OSBP: variants seen among roughly 807,000 people sequenced by gnomAD.
The protein encoded by OSBP is oxysterol-binding protein 1.
OSBP carries 32 observed loss-of-function variants against 96.6 expected under a neutral mutation model. That is an observed-to-expected ratio of 0.33 (90% CI 0.25 to 0.45). The LOEUF (loss-of-function observed/expected upper bound fraction) is 0.45, where lower values mean the gene tolerates loss of function less well. Among genes scored for constraint, OSBP ranks in the 20% least tolerant of loss-of-function variants. The pLI is 1.00. For missense variants in OSBP, 653 were observed against 1,029.7 expected, an observed-to-expected ratio of 0.63 and a Z score of 5.01; for synonymous variants, 369 against 389.6, an observed-to-expected ratio of 0.95 and a Z score of 0.62.
At position 59,576,800 on chromosome 11, in the gene OSBP, A is replaced by G. The variant is rs758168177; in HGVS notation, c.2281+5T>C. 45 of 1,613,656 alleles carry G rather than the reference A, an allele frequency of 2.8e-5. No homozygotes were observed. Among genetic ancestry groups the G allele is most frequent in the East Asian group, 2.2e-4 (10 of 44,902 alleles). ...AGAAAGAAGAGTAGAAGGGAAGTTC[A>G]TTACCATCCTCTGTGGCTTTCATAG... On this transcript the variant is annotated splice_donor_5th_base_variant and intron_variant, in intron 13 of 13. Coordinates refer to ENST00000263847, the MANE Select transcript of OSBP (RefSeq NM_002556.3).
chr11:59,597,943 C>A (rs1860678359), intron 7 of OSBP, among the ~76,000 whole-genome samples: 1 of 152,088 alleles, frequency 6.6e-6, no homozygotes, highest in African/African-American at 2.4e-5. Context: ...TGAGCTCAGA[C>A]AATCCACCCA....
Position 59,606,424 on chromosome 11 carries a change from G to A in OSBP, c.822+2060C>T, listed in dbSNP as rs1267626292. 2.0e-5 allele frequency among the ~76,000 whole-genome samples: 3 copies of A among 149,640 alleles called. No individual in the cohort carries two copies. In the East Asian group the frequency reaches 5.8e-4, roughly 29 times the overall value. ...AGGCCAATATCCTAACTGAATTAATGCAGACACAGAAAAAAAAAAAAAACA... is the reference window on the plus strand; with the variant it reads ...AGGCCAATATCCTAACTGAATTAATACAGACACAGAAAAAAAAAAAAAACA... On this transcript the variant is annotated intron_variant, in intron 3 of 13. Coordinates refer to ENST00000263847, the MANE Select transcript of OSBP (RefSeq NM_002556.3).
At chr11:59,593,816 G>T (rs1012128777) in intron 8 of OSBP, 92 bp from the exon 9 acceptor site, 56 of 1,548,732 alleles carry the variant, frequency 3.6e-5, no homozygotes, top group Non-Finnish European at 4.7e-5. Flanking sequence ...ATTCACACTT[G>T]ACGTTTTTAC....
intron 9 of OSBP, among the ~76,000 whole-genome samples, chr11:59,590,879 C>T (rs1160457095): frequency 6.6e-6 from 1 of 152,226 alleles, no homozygotes; most frequent in Non-Finnish European, 1.5e-5. Flanking sequence ...GGGCAAATAC[C>T]TAGAAATTCC....
rs1565112494 is a variant in OSBP at position 59,576,016 on chromosome 11, C to T, written c.*561G>A. The T allele has an allele frequency of 6.6e-6, 1 of 152,494 alleles. No individual in the cohort carries two copies. Among genetic ancestry groups the T allele is most frequent in the Non-Finnish European group, 1.5e-5 (1 of 68,232 alleles). 9.4% of individuals were successfully genotyped at this position (152,494 alleles called of 1,614,324 possible). A position where few individuals can be genotyped will look rare whatever the true frequency, so the allele number is the denominator to read the frequency against. On this transcript the variant is annotated 3_prime_UTR_variant, in exon 14 of 14. Transcript: ENST00000263847. ...CTCTCTCACAGGTGTTCCAATATCG[C>T]AGTTATCTCCGCGTGGACACTCCAT...
At chr11:59,606,220 G>A (rs1860778216) in intron 3 of OSBP, among the ~76,000 whole-genome samples, 1 of 152,158 alleles carries the variant, frequency 6.6e-6, no homozygotes, top group Middle Eastern at 3.4e-3. Context: ...AGCACAGTTC[G>A]TGGAACACAG....
intron 4 of OSBP, 92 bp from the exon 5 acceptor site, chr11:59,601,477 G>T: frequency 8.5e-7 from 1 of 1,174,054 alleles, no homozygotes; most frequent in Non-Finnish European, 1.3e-6. Flanking sequence ...CACAAACACA[G>T]CAAAAAATGG....
At chr11:59,607,110 AATT>A (rs1266381422) in intron 3 of OSBP, among the ~76,000 whole-genome samples, 1 of 152,222 alleles carries the variant, frequency 6.6e-6, no homozygotes, top group Non-Finnish European at 1.5e-5. Flanking sequence ...GTAAAAAAAA[AATT>A]ATGGATTGGG....
chr11:59,603,529 G>GTTTTTTTTT (rs370609645), intron 3 of OSBP, among the ~76,000 whole-genome samples: 6 of 86,764 alleles, frequency 6.9e-5, no homozygotes, highest in Admixed American at 1.4e-4. Flanking sequence ...ATCACCTTCA[G>GTTTTTTTTT]TTTTTTTTTT....
At chr11:59,592,985 A>C (rs1159893055) in intron 9 of OSBP, among the ~76,000 whole-genome samples, 1 of 152,110 alleles carries the variant, frequency 6.6e-6, no homozygotes, top group African/African-American at 2.4e-5. Flanking sequence ...CTTAGTAAAG[A>C]CAGGGTTTCA....
intron 7 of OSBP, among the ~76,000 whole-genome samples, chr11:59,599,602 T>C (rs906249445): frequency 1.5e-4 from 23 of 152,286 alleles, no homozygotes; most frequent in African/African-American, 4.6e-4. Flanking sequence ...GTGGAACTTG[T>C]TGGAACACAA....
At chr11:59,601,575 C>T (rs1020900614) in intron 4 of OSBP, 65 bp downstream of exon 4, 6 of 1,447,750 alleles carry the variant, frequency 4.1e-6, no homozygotes, top group Non-Finnish European at 5.8e-6. Flanking sequence ...TGGAGTTCTC[C>T]TATCAACTGC....
chr11:59,595,447 C>CT (rs1231434938), intron 7 of OSBP, among the ~76,000 whole-genome samples: 1 of 152,098 alleles, frequency 6.6e-6, no homozygotes, highest in Admixed American at 6.6e-5. Flanking sequence ...GTTCACCCTT[C>CT]TACCCACCAA....
intron 9 of OSBP, among the ~76,000 whole-genome samples, chr11:59,583,634 G>GGTT (rs1860451812): frequency 1.6e-5 from 1 of 64,310 alleles, no homozygotes; most frequent in African/African-American, 6.5e-5. Context: ...CTAAATCTCT[G>GGTT]TTTTTTTTTT....
At chr11:59,589,038 T>C (rs921136042) in intron 9 of OSBP, among the ~76,000 whole-genome samples, 8 of 148,554 alleles carry the variant, frequency 5.4e-5, no homozygotes, top group African/African-American at 1.7e-4. Context: ...AATAAAAAAA[T>C]AAGAAACAAA....
rs770322746 is a variant in OSBP, at chr11:59,594,241, C to T, written c.1326G>A (p.Glu442=). The stretch of plus-strand genomic sequence containing the variant: ...TAAGGCGCTGAAGCATGGACAAGGG[C>T]TCATTAAAGTTTACCTGTAAGGAGA... ...SKIPMPVNFN[E]PLSMLQRLTE... is the part of the protein sequence containing the mutation. Residue 442 remains glutamate, a synonymous_variant, in exon 8 of 14, where the codon GAG becomes GAA. Transcript: ENST00000263847. 1 of 1,613,996 alleles carries T rather than the reference C, an allele frequency of 6.2e-7. No homozygotes were observed. The highest frequency in any genetic ancestry group is 1.1e-5 in the South Asian group (1 of 91,070).
At chr11:59,612,128 A>G (rs887786926) in intron 1 of OSBP, among the ~76,000 whole-genome samples, 3 of 152,190 alleles carry the variant, frequency 2.0e-5, no homozygotes, top group African/African-American at 7.2e-5. Context: ...CACACACCCC[A>G]TAAGATTTGG....
At chr11:59,605,085 G>A (rs377467691) in intron 3 of OSBP, among the ~76,000 whole-genome samples, 13 of 151,074 alleles carry the variant, frequency 8.6e-5, no homozygotes, top group Middle Eastern at 3.6e-3. Flanking sequence ...CCCGGGAGGC[G>A]GAGGTTACAG....
intron 9 of OSBP, among the ~76,000 whole-genome samples, chr11:59,588,721 G>C (rs956059899): frequency 6.6e-6 from 1 of 151,518 alleles, no homozygotes; most frequent in Non-Finnish European, 1.5e-5. Flanking sequence ...TTAAAAAATT[G>C]GAGGCTGGGC....
Sources: gnomAD v4.1 joint callset for allele counts (sites outside exome capture counted in the v4.1 genomes callset) on GRCh38, gnomAD v4.1.1 for gene constraint, MANE v1.5 for transcripts, NCBI Gene and HGNC (gene_info 2026-07-23, HGNC 2026-07-21) for gene names.